The following LIMS2 variants were observed in gnomAD, a reference collection of about 807,000 sequenced individuals.
The protein encoded by LIMS2 is LIM and senescent cell antigen-like-containing domain protein 2.
Under a neutral mutation model 45.3 loss-of-function variants are expected in LIMS2, and 30 were observed. The ratio of observed to expected loss-of-function variants is 0.66; its 90% CI spans 0.50 to 0.90. LIMS2 has a LOEUF of 0.90. LIMS2 is among the 40% of genes least tolerant of loss of function. The pLI is 0.00. For missense variants in LIMS2, 485 were observed against 468.7 expected, an observed-to-expected ratio of 1.03 and a Z score of -0.32; for synonymous variants, 173 against 188.0, an observed-to-expected ratio of 0.92 and a Z score of 0.65.
exon 1 of LIMS2, chr2:127,681,587 G>A (rs1023736018): frequency 6.6e-6 from 1 of 152,348 alleles, no homozygotes. Flanking sequence ...AGAAGCCGCG[G>A]AAGGAAAGGC....
rs1479634042 is a variant in LIMS2, at chr2:127,639,081, C to CACAG, written c.*196_*199dup. 3.3e-6 allele frequency: 2 copies of CACAG among 612,252 alleles called. No individual in the cohort carries two copies. The highest frequency in any genetic ancestry group is 3.1e-5 in the Admixed American group (1 of 32,216). The allele number at this position is 612,252 out of a possible 1,614,324, so 37.9% of individuals were successfully genotyped here. On this transcript the variant is annotated 3_prime_UTR_variant, in exon 10 of 10. Coordinates refer to ENST00000355119, the MANE Select transcript of LIMS2 (RefSeq NM_001161403.3). The stretch of plus-strand genomic sequence containing the variant: ...TCCCACTCCCCAGCTCCTGCCTCCT[C>CACAG]ACAGACAGAAGCCACGGCCAAGGAG...
chr2:127,638,766 T>C lies in LIMS2; in HGVS notation c.*515A>G, dbSNP rs1179357907. 6.4e-6 allele frequency: 1 copy of C among 157,234 alleles called. No homozygotes were observed. The allele number at this position is 157,234 out of a possible 1,614,324, so 9.7% of individuals were successfully genotyped here. A position where few individuals can be genotyped will look rare whatever the true frequency, so the allele number is the denominator to read the frequency against. Reference sequence around the variant, plus strand: ...GGGCACAAGGACACTGTGCCACTGGTTGAGTGAGTGGTGAGGGATTGGAGG... The same window carrying C: ...GGGCACAAGGACACTGTGCCACTGGCTGAGTGAGTGGTGAGGGATTGGAGG... On this transcript the variant is annotated 3_prime_UTR_variant, in exon 10 of 10. Coordinates refer to ENST00000355119, the MANE Select transcript of LIMS2 (RefSeq NM_001161403.3).
chr2:127,641,098 A>G, intron 6 of LIMS2, 110 bp from the exon 7 acceptor site: 1 of 793,658 alleles, frequency 1.3e-6, no homozygotes. Context: ...ACTCCAGGGG[A>G]CCACAGTGGC....
chr2:127,664,231 C>T lies in LIMS2; in HGVS notation c.12-6669G>A, dbSNP rs1684865135. 2.5e-6 allele frequency: 3 copies of T among 1,177,530 alleles called. No individual in the cohort carries two copies. The African/African-American group carries it at 4.8e-5, about 19-fold the overall frequency. 72.9% of individuals were successfully genotyped at this position (1,177,530 alleles called of 1,614,324 possible). A position where few individuals can be genotyped will look rare whatever the true frequency, so the allele number is the denominator to read the frequency against. Reference sequence around the variant, plus strand: ...CGTCGGAGGGCCCCGGTCGGGTTTCCGAGGGAAGGCCTGCCCTGCCGCCGC... The same window carrying T: ...CGTCGGAGGGCCCCGGTCGGGTTTCTGAGGGAAGGCCTGCCCTGCCGCCGC... On this transcript the variant is annotated intron_variant, in intron 1 of 9. Coordinates refer to ENST00000355119, the MANE Select transcript of LIMS2 (RefSeq NM_001161403.3). This position sits in a 1 kb window ranked among gnomAD's most constrained non-coding sequence, Gnocchi z 5.5.
chr2:127,680,220 T>C (rs1021118513), upstream of LIMS2, among the ~76,000 whole-genome samples: 8 of 152,206 alleles, frequency 5.3e-5, no homozygotes, highest in South Asian at 2.1e-4. Context: ...GGAAGAATAG[T>C]GAGCAGGACA....
intron 1 of LIMS2, among the ~76,000 whole-genome samples, chr2:127,668,697 AAAAAAAAAAAAAAACAC>A (rs1685142433): frequency 3.5e-5 from 3 of 85,764 alleles, no homozygotes; most frequent in African/African-American, 8.4e-5. Flanking sequence ...AAAAAAAAAA[AAAAAAAAAAAAAAACAC>A]CTTACTTAAA....
Position 127,642,008 on chromosome 2 carries a change from A to AC in LIMS2, c.660+40dup, listed in dbSNP as rs761585616. On this transcript the variant is annotated intron_variant, in intron 6 of 9. Coordinates refer to ENST00000355119, the MANE Select transcript of LIMS2 (RefSeq NM_001161403.3). This position sits in a 1 kb window ranked among gnomAD's most constrained non-coding sequence, Gnocchi z 5.3. The stretch of plus-strand genomic sequence containing the variant: ...TCTTACCATGACCCTGAGCTGGGGC[A>AC]CCCCCCAACCTGAGGCCACGTGTCC... 9.4e-6 allele frequency: 15 copies of AC among 1,596,360 alleles called. No homozygotes were observed. Among genetic ancestry groups the AC allele is most frequent in the Admixed American group, 1.7e-5 (1 of 58,420 alleles).
upstream of LIMS2, among the ~76,000 whole-genome samples, chr2:127,675,567 A>C (rs1685475987): frequency 6.6e-6 from 1 of 152,048 alleles, no homozygotes; most frequent in Non-Finnish European, 1.5e-5. Context: ...TAAAGGGAGT[A>C]AAGTTATAAT....
Position 127,642,262 on chromosome 2 carries a change from C to A in LIMS2, c.510-63G>T, listed in dbSNP as rs979525103. The A allele has an allele frequency of 7.0e-7, 1 of 1,425,192 alleles. No individual in the cohort carries two copies. The highest frequency in any genetic ancestry group is 9.2e-7 in the Non-Finnish European group (1 of 1,083,656). 88.3% of individuals were successfully genotyped at this position (1,425,192 alleles called of 1,614,324 possible). On this transcript the variant is annotated intron_variant, in intron 5 of 9. Coordinates refer to ENST00000355119, the MANE Select transcript of LIMS2 (RefSeq NM_001161403.3). The surrounding 1 kb of genome is among the most constrained non-coding windows in gnomAD (Gnocchi z 5.3). ...CCCTTCTGCAGGGTCATGCCAGCAG[C>A]GCCTCCACCCCAGGGCACGGCTCCC...
intron 1 of LIMS2, among the ~76,000 whole-genome samples, chr2:127,659,994 C>G (rs181190781): frequency 6.6e-6 from 1 of 152,216 alleles, no homozygotes; most frequent in Non-Finnish European, 1.5e-5. Context: ...CTTCCTCCCT[C>G]GCCGTTTCAT....
At chr2:127,678,686 G>T (rs572169686), upstream of LIMS2, among the ~76,000 whole-genome samples, 1 of 152,330 alleles carries the variant, frequency 6.6e-6, no homozygotes, top group East Asian at 1.9e-4. The surrounding 1 kb of genome is among the most constrained non-coding windows in gnomAD (Gnocchi z 5.3). Context: ...GGGCAGGTGT[G>T]TGTGTGGCAG....
At chr2:127,657,377 G>A in intron 2 of LIMS2, 26 bp downstream of exon 2, 7 of 1,613,446 alleles carry the variant, frequency 4.3e-6, no homozygotes, top group Non-Finnish European at 5.1e-6. Flanking sequence ...AGCTGGGTCT[G>A]AGAAAGCCCT....
rs1684357449 is a variant in LIMS2 at position 127,657,698 on chromosome 2, A to C, written c.12-136T>G. The C allele has an allele frequency of 7.0e-6, 7 of 994,800 alleles. No individual in the cohort carries two copies. The Admixed American group carries it at 2.0e-4, about 28-fold the overall frequency. 61.6% of individuals were successfully genotyped at this position (994,800 alleles called of 1,614,324 possible). A position where few individuals can be genotyped will look rare whatever the true frequency, so the allele number is the denominator to read the frequency against. On this transcript the variant is annotated intron_variant, in intron 1 of 9. Coordinates refer to ENST00000355119, the MANE Select transcript of LIMS2 (RefSeq NM_001161403.3). Reference sequence around the variant, plus strand: ...TCTGCAGGATCAGGAAAATCGCTCTAACCCAGGGTCCAGGCTGCTCAGTGC... The same window carrying C: ...TCTGCAGGATCAGGAAAATCGCTCTCACCCAGGGTCCAGGCTGCTCAGTGC...
At chr2:127,663,104 G>T (rs1009678329) in intron 1 of LIMS2, among the ~76,000 whole-genome samples, 1 of 152,158 alleles carries the variant, frequency 6.6e-6, no homozygotes, top group Non-Finnish European at 1.5e-5. Context: ...TGCCTGTCCT[G>T]CCTGCATCTC....
In LIMS2 at chr2:127,674,836, G is replaced by C. The variant is rs1346834094; in HGVS notation, c.11+178C>G. ...GCGCTCGCCCAGAGGAAGAGGCGCG[G>C]GGGCTGGGGGACCCCTGCCCCGACG... is the stretch of plus-strand genomic sequence containing the variant. On this transcript the variant is annotated intron_variant, in intron 1 of 9. Coordinates refer to ENST00000355119, the MANE Select transcript of LIMS2 (RefSeq NM_001161403.3). The C allele has an allele frequency of 3.0e-6, 3 of 985,244 alleles. No individual in the cohort carries two copies. In the African/African-American group the frequency reaches 5.2e-5, roughly 17 times the overall value. 61.0% of individuals were successfully genotyped at this position (985,244 alleles called of 1,614,324 possible). A position where few individuals can be genotyped will look rare whatever the true frequency, so the allele number is the denominator to read the frequency against.
chr2:127,675,840 C>T (rs1573856290), upstream of LIMS2, among the ~76,000 whole-genome samples: 1 of 152,364 alleles, frequency 6.6e-6, no homozygotes, highest in South Asian at 2.1e-4. Flanking sequence ...AGAGGCGTCC[C>T]TCTTCAGTCG....
chr2:127,661,685 C>T (rs913533999), intron 1 of LIMS2, among the ~76,000 whole-genome samples: 10 of 152,236 alleles, frequency 6.6e-5, no homozygotes, highest in Non-Finnish European at 1.2e-4. Flanking sequence ...CCTCAGCCCT[C>T]TCCAGCACCC....
rs1276839813 is a variant in LIMS2, at chr2:127,664,767, G to A, written c.12-7205C>T. ...CCTGCCAGGAGGAAAGCCTGTGCCC[G>A]TGGACACACTGAGGAGGGCAGAGTC... On this transcript the variant is annotated intron_variant, in intron 1 of 9. Coordinates refer to ENST00000355119, the MANE Select transcript of LIMS2 (RefSeq NM_001161403.3). The surrounding 1 kb of genome is among the most constrained non-coding windows in gnomAD (Gnocchi z 5.5). Among the ~76,000 whole-genome samples, 4 of 152,196 alleles carry A rather than the reference G, an allele frequency of 2.6e-5. No homozygotes were observed. The highest frequency in any genetic ancestry group is 4.4e-5 in the Non-Finnish European group (3 of 68,030).
intron 4 of LIMS2, among the ~76,000 whole-genome samples, chr2:127,649,031 GAAAA>G (rs1683351994): frequency 1.4e-5 from 1 of 72,354 alleles, no homozygotes; most frequent in African/African-American, 5.1e-5. Context: ...AGGAAAGAAA[GAAAA>G]AGAAAGAAAG....
Sources: gnomAD v4.1 joint callset for allele counts (sites outside exome capture counted in the v4.1 genomes callset) on GRCh38, gnomAD v4.1.1 for gene constraint, Gnocchi (gnomAD v3.1) non-coding constraint, MANE v1.5 for transcripts, NCBI Gene and HGNC (gene_info 2026-07-23, HGNC 2026-07-21) for gene names.